ATRNL1: variants seen among roughly 807,000 people sequenced by gnomAD.
The protein encoded by ATRNL1 is attractin like 1.
ATRNL1 carries 95 observed loss-of-function variants against 182.7 expected under a neutral mutation model. That is an observed-to-expected ratio of 0.52 (90% confidence interval 0.44 to 0.62). ATRNL1 has a LOEUF of 0.62. ATRNL1 is among the 20% of genes least tolerant of loss of function. The pLI, the probability that ATRNL1 is intolerant of heterozygous loss-of-function variation, is 0.00. For synonymous variants in ATRNL1, 576 were observed against 568.3 expected (o/e 1.01, Z -0.19); for missense variants, 1,471 against 1,679.5 (o/e 0.88, Z 2.17).
intron 26 of ATRNL1, among the ~76,000 whole-genome samples, chr10:115,584,859 C>G (rs1391556588): frequency 4.0e-5 from 6 of 151,354 alleles, no homozygotes. Flanking sequence ...AATTTTGGAT[C>G]TTTCCTGCTT....
intron 26 of ATRNL1, among the ~76,000 whole-genome samples, chr10:115,586,717 G>A (rs1296051246): frequency 8.3e-6 from 1 of 120,842 alleles, no homozygotes; most frequent in African/African-American, 2.7e-5. Context: ...CCATATCTCA[G>A]AGTAATTTGA....
intron 8 of ATRNL1, among the ~76,000 whole-genome samples, chr10:115,184,363 TAC>T (rs1215418796): frequency 6.6e-6 from 1 of 151,076 alleles, no homozygotes; most frequent in East Asian, 1.9e-4. Context: ...TATATATATA[TAC>T]ACACACATAA....
intron 12 of ATRNL1, 55 bp downstream of exon 12, chr10:115,267,060 G>T: frequency 8.3e-7 from 1 of 1,212,010 alleles, no homozygotes; most frequent in Non-Finnish European, 1.2e-6. Flanking sequence ...TTCTACAGAA[G>T]TAGAAATATC....
In ATRNL1 at chr10:115,093,917, A is replaced by G. The variant is rs782579458; in HGVS notation, c.167A>G (p.Gln56Arg). 6.3e-7 allele frequency: 1 copy of G among 1,596,716 alleles called. No individual in the cohort carries two copies. The highest frequency in any genetic ancestry group is 8.5e-7 in the Non-Finnish European group (1 of 1,173,264). ...YGFLYLALYA[Q>R]VSQSKPCERT... ...TTCCTCTACCTGGCGCTCTACGCGCAGGTGTCCCAGTCCAAGCCGTGCGAG... is the reference window on the plus strand; with the variant it reads ...TTCCTCTACCTGGCGCTCTACGCGCGGGTGTCCCAGTCCAAGCCGTGCGAG... Residue 56 changes from glutamine to arginine, a missense_variant, in exon 1 of 29, where the codon CAG (glutamine) becomes CGG (arginine). This residue lies in a region of ATRNL1 where 1,031 missense variants were observed against 1,156.0 expected (regional missense o/e 0.89). Transcript: ENST00000355044. The surrounding 1 kb of genome is among the most constrained non-coding windows in gnomAD (Gnocchi z 6.1).
intron 27 of ATRNL1, among the ~76,000 whole-genome samples, chr10:115,767,107 G>A (rs1314214061): frequency 3.3e-5 from 5 of 152,094 alleles, no homozygotes; most frequent in East Asian, 3.9e-4. Flanking sequence ...ACAGTGTCCC[G>A]AGAGTTTTTC....
At chr10:115,172,845 T>G (rs964231190) in intron 8 of ATRNL1, among the ~76,000 whole-genome samples, 5 of 151,862 alleles carry the variant, frequency 3.3e-5, no homozygotes, top group African/African-American at 4.8e-5. Context: ...CAAGTTGTTT[T>G]TTTTTTTTTA....
chr10:115,382,142 T>G (rs1319499474), intron 19 of ATRNL1, among the ~76,000 whole-genome samples: 1 of 152,202 alleles, frequency 6.6e-6, no homozygotes, highest in Non-Finnish European at 1.5e-5. Flanking sequence ...AGTCTCCAAC[T>G]TTATTCTTCT....
intron 10 of ATRNL1, among the ~76,000 whole-genome samples, chr10:115,244,606 A>G (rs782473559): frequency 7.2e-5 from 11 of 152,224 alleles, no homozygotes; most frequent in Admixed American, 1.3e-4. Context: ...TGACTGTAAC[A>G]TATGACATGA....
At chr10:115,381,574 T>G (rs533917585) in intron 19 of ATRNL1, among the ~76,000 whole-genome samples, 26 of 151,714 alleles carry the variant, frequency 1.7e-4, no homozygotes, top group Admixed American at 3.9e-4. Context: ...TGCCAGGCCA[T>G]GTTTTTATTA....
chr10:115,095,437 A>G (rs1030758320), intron 1 of ATRNL1, among the ~76,000 whole-genome samples: 22 of 151,414 alleles, frequency 1.5e-4, no homozygotes, highest in African/African-American at 5.1e-4. Context: ...GTAAAAATGT[A>G]TATTTTTAAA....
chr10:115,916,369 A>G (rs1442457433), intron 28 of ATRNL1, among the ~76,000 whole-genome samples: 1 of 152,242 alleles, frequency 6.6e-6, no homozygotes, highest in African/African-American at 2.4e-5. Context: ...CCACACATCA[A>G]GTCAAGTCAA....
chr10:115,442,272 T>G (rs923847285), intron 21 of ATRNL1, among the ~76,000 whole-genome samples: 2 of 102,434 alleles, frequency 2.0e-5, no homozygotes, highest in African/African-American at 6.1e-5. Flanking sequence ...TTGTGTTTGC[T>G]CTCTCTCTCT....
chr10:115,574,053 A>G (rs932786917), intron 26 of ATRNL1, among the ~76,000 whole-genome samples: 1 of 152,152 alleles, frequency 6.6e-6, no homozygotes, highest in East Asian at 1.9e-4. Flanking sequence ...TTCTTTGGGA[A>G]GTAGTTATCT....
At chr10:115,722,153 G>C (rs1947446971) in intron 26 of ATRNL1, among the ~76,000 whole-genome samples, 1 of 151,876 alleles carries the variant, frequency 6.6e-6, no homozygotes, top group Non-Finnish European at 1.5e-5. Context: ...AGCCAACTCA[G>C]TGAATACTTG....
In ATRNL1 at chr10:115,561,704, G is replaced by GTGTGTGTGTGTGTGT. The variant is rs1554999746; in HGVS notation, c.3795+12168_3795+12169insTGTGTGTGTGTGTGT. Among the ~76,000 whole-genome samples, 790 of 145,012 alleles carry GTGTGTGTGTGTGTGT rather than the reference G, an allele frequency of 5.4e-3. 22 individuals carry two copies. The highest frequency in any genetic ancestry group is 0.019 in the African/African-American group (722 of 38,516). On this transcript the variant is annotated intron_variant, in intron 26 of 28. Transcript: ENST00000355044. ...GTGTGTGTGTGGGTGTGTGTGTGTG[G>GTGTGTGTGTGTGTGT]GTGTGTGTGTGTGTGTGTGTTTGTG...
At chr10:115,619,748 T>G (rs529325002) in intron 26 of ATRNL1, among the ~76,000 whole-genome samples, 1 of 152,352 alleles carries the variant, frequency 6.6e-6, no homozygotes, top group South Asian at 2.1e-4. Context: ...TTAAATTACA[T>G]AAAAATTTCA....
At chr10:115,640,561 C>T (rs1249408347) in intron 26 of ATRNL1, among the ~76,000 whole-genome samples, 11 of 151,998 alleles carry the variant, frequency 7.2e-5, no homozygotes, top group African/African-American at 2.2e-4. Flanking sequence ...GTTTGTTGGC[C>T]GCATAAATGT....
At chr10:115,187,683 T>TTTTTTC (rs1564806612) in intron 8 of ATRNL1, among the ~76,000 whole-genome samples, 175 of 149,156 alleles carry the variant, frequency 1.2e-3, no homozygotes, top group African/African-American at 4.1e-3. Flanking sequence ...TTTTTTTTTT[T>TTTTTTC]TTTTTTTCTT....
At chr10:115,294,812 T>C (rs1353668451) in intron 15 of ATRNL1, among the ~76,000 whole-genome samples, 3 of 152,074 alleles carry the variant, frequency 2.0e-5, no homozygotes, top group Admixed American at 2.0e-4. Flanking sequence ...AGTCTCCATG[T>C]AGTTTCTTCA....
Sources: gnomAD v4.1 joint callset for allele counts (sites outside exome capture counted in the v4.1 genomes callset) on GRCh38, gnomAD v4.1.1 for gene constraint, gnomAD v4.1.1 regional missense constraint, Gnocchi (gnomAD v3.1) non-coding constraint, MANE v1.5 for transcripts, NCBI Gene and HGNC (gene_info 2026-07-23, HGNC 2026-07-21) for gene names.